SPIDR: variants seen among roughly 807,000 people sequenced by gnomAD.
SPIDR encodes the protein scaffold protein involved in DNA repair, also known as DNA repair-scaffolding protein.
SPIDR carries 93 observed loss-of-function variants against 104.6 expected under a neutral mutation model. That is an observed-to-expected ratio of 0.89 (90% confidence interval 0.75 to 1.06). The LOEUF (loss-of-function observed/expected upper bound fraction) is 1.06. Among genes scored for constraint, SPIDR ranks in the 50% least tolerant of loss-of-function variants. The pLI is 0.00. For synonymous variants in SPIDR, 431 were observed against 416.9 expected (o/e 1.03, Z -0.41); for missense variants, 1,154 against 1,111.2 (o/e 1.04, Z -0.55).
chr8:47,488,676 G>C (rs563121638), intron 8 of SPIDR, among the ~76,000 whole-genome samples: 1 of 152,098 alleles, frequency 6.6e-6, no homozygotes, highest in African/African-American at 2.4e-5. Flanking sequence ...CTTCATCCCG[G>C]GGATGCAAGG....
intron 7 of SPIDR, among the ~76,000 whole-genome samples, chr8:47,424,857 G>A (rs930268941): frequency 1.3e-5 from 2 of 152,118 alleles, no homozygotes; most frequent in Non-Finnish European, 2.9e-5. Flanking sequence ...TGCCTTCTGA[G>A]TATGCTGGGA....
chr8:47,654,926 T>C (rs2154459067), intron 10 of SPIDR, among the ~76,000 whole-genome samples: 1 of 152,042 alleles, frequency 6.6e-6, no homozygotes, highest in East Asian at 1.9e-4. Context: ...CCTTCCTGTG[T>C]CCACGTGTTC....
At chr8:47,508,334 T>C (rs2081799439) in intron 8 of SPIDR, among the ~76,000 whole-genome samples, 1 of 152,226 alleles carries the variant, frequency 6.6e-6, no homozygotes, top group Non-Finnish European at 1.5e-5. Flanking sequence ...TTTTGTCATA[T>C]CAGTAGCTGC....
At chr8:47,621,430 G>A (rs546957091) in intron 10 of SPIDR, among the ~76,000 whole-genome samples, 12 of 152,126 alleles carry the variant, frequency 7.9e-5, no homozygotes, top group Non-Finnish European at 1.3e-4. Context: ...TGGCTGCCTC[G>A]TCTGTAGATT....
chr8:47,443,021 C>CTA (rs776115780), intron 8 of SPIDR, among the ~76,000 whole-genome samples: 2,090 of 152,190 alleles, frequency 0.014, 49 homozygotes, highest in Admixed American at 0.014. Flanking sequence ...GTTTTAGAGG[C>CTA]TTTAAATGTA....
intron 8 of SPIDR, among the ~76,000 whole-genome samples, chr8:47,476,971 A>C (rs928156729): frequency 9.2e-5 from 14 of 152,380 alleles, no homozygotes; most frequent in African/African-American, 3.4e-4. Flanking sequence ...AACCTGTTTA[A>C]ATGAGAACAA....
At chr8:47,425,519 T>G (rs1554684069) in intron 7 of SPIDR, among the ~76,000 whole-genome samples, 1 of 152,188 alleles carries the variant, frequency 6.6e-6, no homozygotes, top group East Asian at 1.9e-4. Context: ...ACAACCTCTG[T>G]CTAGTTTCTC....
In SPIDR at chr8:47,529,144, G is replaced by A. The variant is rs540450907; in HGVS notation, c.1098-66667G>A. On this transcript the variant is annotated intron_variant, in intron 8 of 19. Transcript: ENST00000297423. ...AATATTTAAAGTATTAAAGGAGGCCGGGCCCGGTGGCTCGGGCCTGTAATC... is the reference window on the plus strand; with the variant it reads ...AATATTTAAAGTATTAAAGGAGGCCAGGCCCGGTGGCTCGGGCCTGTAATC... 3.7e-4 allele frequency among the ~76,000 whole-genome samples: 57 copies of A among 152,298 alleles called. 1 individual carries two copies. The highest frequency in any genetic ancestry group is 1.1e-3 in the African/African-American group (44 of 41,572).
chr8:47,619,250 G>A (rs1013788912), intron 10 of SPIDR, among the ~76,000 whole-genome samples: 2 of 152,200 alleles, frequency 1.3e-5, no homozygotes. Context: ...TTTTTAGGTG[G>A]TAGGATTATT....
intron 10 of SPIDR, among the ~76,000 whole-genome samples, chr8:47,671,865 A>G (rs544141665): frequency 6.6e-6 from 1 of 152,154 alleles, no homozygotes; most frequent in Non-Finnish European, 1.5e-5. Context: ...TTAACAGCTC[A>G]TAGTCTTTGG....
chr8:47,628,345 A>G (rs1031177222), intron 10 of SPIDR, among the ~76,000 whole-genome samples: 2 of 152,200 alleles, frequency 1.3e-5, no homozygotes, highest in South Asian at 4.1e-4. Flanking sequence ...ACAAAGTTCA[A>G]CAGAATTGTT....
At chr8:47,319,582 G>T (rs2046116242) in intron 5 of SPIDR, among the ~76,000 whole-genome samples, 1 of 152,170 alleles carries the variant, frequency 6.6e-6, no homozygotes. Context: ...ACTCAACTCT[G>T]CACCAAGCGG....
chr8:47,623,917 A>T (rs541699308), intron 10 of SPIDR, among the ~76,000 whole-genome samples: 1 of 152,214 alleles, frequency 6.6e-6, no homozygotes, highest in African/African-American at 2.4e-5. Flanking sequence ...GTCCATCCCA[A>T]ATCAACAGAA....
chr8:47,634,819 G>T (rs928619945), intron 10 of SPIDR, among the ~76,000 whole-genome samples: 8 of 152,184 alleles, frequency 5.3e-5, no homozygotes, highest in Non-Finnish European at 1.2e-4. Context: ...AGCTTCCACA[G>T]AACATTTGTT....
rs553270324 is a variant in SPIDR at position 47,320,326 on chromosome 8, G to A, written c.525+26296G>A. 7.2e-5 allele frequency among the ~76,000 whole-genome samples: 11 copies of A among 152,206 alleles called. 1 individual carries two copies. The highest frequency in any genetic ancestry group is 6.2e-4 in the South Asian group (3 of 4,814). Reference sequence around the variant, plus strand: ...CAGAGAATACTATAAACACCTCTACGCAAATAAACTAGAAAATCTAGAAGA... The same window carrying A: ...CAGAGAATACTATAAACACCTCTACACAAATAAACTAGAAAATCTAGAAGA... On this transcript the variant is annotated intron_variant, in intron 5 of 19. Transcript: ENST00000297423.
At chr8:47,332,844 GTTGT>G (rs2049001519) in intron 5 of SPIDR, among the ~76,000 whole-genome samples, 3 of 112,920 alleles carry the variant, frequency 2.7e-5, no homozygotes, top group Non-Finnish European at 3.6e-5. Flanking sequence ...TTTTGATGGG[GTTGT>G]TTGTTTTTTT....
At chr8:47,672,120 G>A (rs1452154826) in intron 10 of SPIDR, among the ~76,000 whole-genome samples, 2 of 152,120 alleles carry the variant, frequency 1.3e-5, no homozygotes, top group African/African-American at 4.8e-5. Context: ...ATCATACCCA[G>A]CTAAATTTTT....
chr8:47,655,750 T>C (rs1447873965), intron 10 of SPIDR, among the ~76,000 whole-genome samples: 1 of 152,238 alleles, frequency 6.6e-6, no homozygotes, highest in African/African-American at 2.4e-5. Context: ...TTTGTCAATT[T>C]TGGCTTTTGT....
chr8:47,631,553 A>G (rs2154442499), intron 10 of SPIDR, among the ~76,000 whole-genome samples: 1 of 152,382 alleles, frequency 6.6e-6, no homozygotes, highest in South Asian at 2.1e-4. Context: ...CAATAAATTT[A>G]TCAGAGAAAA....
Sources: allele counts gnomAD v4.1 joint callset (sites outside exome capture counted in the v4.1 genomes callset), GRCh38; gene constraint gnomAD v4.1.1; transcripts MANE v1.5; gene names NCBI Gene and HGNC (gene_info 2026-07-23, HGNC 2026-07-21).